YEATS2: variants seen among roughly 807,000 people sequenced by gnomAD.
YEATS2 encodes YEATS domain containing 2, also known as YEATS domain-containing protein 2.
In YEATS2, 77 loss-of-function variants were observed where a neutral mutation model predicts 163.2. That is an observed-to-expected ratio of 0.47 (90% confidence interval 0.39 to 0.57). The LOEUF (loss-of-function observed/expected upper bound fraction) is 0.57, where lower values mean the gene tolerates loss of function less well. Ranked by LOEUF, YEATS2 falls within the 20% of genes least tolerant of loss-of-function variation. YEATS2 has a pLI of 0.00. For missense variants in YEATS2, 1,549 were observed against 1,729.8 expected (o/e 0.90, Z 1.85); for synonymous variants, 631 against 645.1 (o/e 0.98, Z 0.33).
At chr3:183,768,090 T>A (rs1722091121) in intron 15 of YEATS2, among the ~76,000 whole-genome samples, 2 of 152,236 alleles carry the variant, frequency 1.3e-5, no homozygotes, top group South Asian at 4.1e-4. Context: ...AAGAGAAAAG[T>A]TCAACTACTG....
intron 19 of YEATS2, among the ~76,000 whole-genome samples, chr3:183,783,952 A>G (rs1347646730): frequency 6.6e-6 from 1 of 152,196 alleles, no homozygotes; most frequent in Non-Finnish European, 1.5e-5. Context: ...TTTTTGAGAC[A>G]GGATCTCACA....
intron 18 of YEATS2, among the ~76,000 whole-genome samples, chr3:183,776,877 G>A (rs551867148): frequency 4.0e-5 from 6 of 151,822 alleles, no homozygotes; most frequent in South Asian, 2.1e-4. Context: ...ACTTGAACCC[G>A]GGAGGCAGAG....
At chr3:183,745,941 C>T (rs999630157) in intron 8 of YEATS2, among the ~76,000 whole-genome samples, 3 of 152,198 alleles carry the variant, frequency 2.0e-5, no homozygotes, top group Non-Finnish European at 4.4e-5. Context: ...AAGCAATCCT[C>T]CCGCATCATC....
At chr3:183,734,402 A>G (rs1381305275) in intron 7 of YEATS2, among the ~76,000 whole-genome samples, 2 of 152,154 alleles carry the variant, frequency 1.3e-5, no homozygotes, top group Non-Finnish European at 2.9e-5. Context: ...CAGAGGGGCT[A>G]TTTCATAGAG....
chr3:183,776,888 G>A (rs1259005182), intron 18 of YEATS2, among the ~76,000 whole-genome samples: 3 of 151,582 alleles, frequency 2.0e-5, no homozygotes, highest in Admixed American at 1.3e-4. Flanking sequence ...GGAGGCAGAG[G>A]TTGCAGTGAG....
At chr3:183,742,656 A>G (rs1317765146) in intron 8 of YEATS2, among the ~76,000 whole-genome samples, 1 of 152,234 alleles carries the variant, frequency 6.6e-6, no homozygotes, top group African/African-American at 2.4e-5. Flanking sequence ...GTTGAAATTG[A>G]CAACAAAGGA....
intron 20 of YEATS2, among the ~76,000 whole-genome samples, chr3:183,788,011 T>C (rs1190769891): frequency 6.6e-6 from 1 of 152,088 alleles, no homozygotes; most frequent in Non-Finnish European, 1.5e-5. Context: ...TCAAAAAATA[T>C]ATATAAATAA....
At chr3:183,793,670 T>G (rs959409538) in intron 21 of YEATS2, among the ~76,000 whole-genome samples, 26 of 144,010 alleles carry the variant, frequency 1.8e-4, no homozygotes, top group Non-Finnish European at 3.1e-4. Flanking sequence ...TGGAGTGCAG[T>G]GGAACAATCT....
chr3:183,737,637 A>G (rs1718485042), intron 8 of YEATS2, among the ~76,000 whole-genome samples: 1 of 152,230 alleles, frequency 6.6e-6, no homozygotes, highest in African/African-American at 2.4e-5. Flanking sequence ...ACAGAAATGA[A>G]CGTGTTTTGG....
intron 8 of YEATS2, among the ~76,000 whole-genome samples, chr3:183,741,461 A>G (rs1200069390): frequency 6.6e-6 from 1 of 152,190 alleles, no homozygotes. Context: ...ATTGTTGCTC[A>G]TTGATAATTC....
intron 19 of YEATS2, among the ~76,000 whole-genome samples, chr3:183,784,943 C>A (rs1723915652): frequency 6.6e-6 from 1 of 151,876 alleles, no homozygotes; most frequent in Non-Finnish European, 1.5e-5. Flanking sequence ...CATGGTGGCG[C>A]ATACCTGTAA....
At chr3:183,794,316 A>G (rs939483924) in intron 21 of YEATS2, among the ~76,000 whole-genome samples, 3 of 152,238 alleles carry the variant, frequency 2.0e-5, no homozygotes, top group African/African-American at 7.2e-5. Context: ...GAAGGGCATG[A>G]ACTGCTACTT....
chr3:183,810,492 C>T lies in YEATS2; in HGVS notation c.4178C>T (p.Thr1393Ile), dbSNP rs760559150. ...TGGACCAGGATTCCCAAAGAAATTA[C>T]AGTGAGTAATATTCACCAGGCCATT... ...ASHNRIPKEITVSNIHQAICN... is the reference protein window; with the variant it reads ...ASHNRIPKEIIVSNIHQAICN... Residue 1393 changes from threonine (T) to isoleucine (I), a missense_variant, in exon 31 of 31, where the codon ACA (threonine) becomes ATA (isoleucine). Coordinates refer to ENST00000305135, the MANE Select transcript of YEATS2 (RefSeq NM_018023.5). 4.3e-6 allele frequency: 7 copies of T among 1,614,042 alleles called. No individual in the cohort carries two copies. Among genetic ancestry groups the T allele is most frequent in the Non-Finnish European group, 5.9e-6 (7 of 1,179,944 alleles).
In YEATS2 at chr3:183,722,278, CTTTTTT is replaced by C. The variant is rs200048624; in HGVS notation, c.537+165_537+170del. 2.3e-3 allele frequency: 702 copies of C among 309,610 alleles called. 1 individual carries two copies. The highest frequency in any genetic ancestry group is 3.0e-3 in the South Asian group (83 of 27,614). 19.2% of individuals were successfully genotyped at this position (309,610 alleles called of 1,614,324 possible). A position where few individuals can be genotyped will look rare whatever the true frequency, so the allele number is the denominator to read the frequency against. On this transcript the variant is annotated intron_variant, in intron 5 of 30. Transcript: ENST00000305135. The stretch of plus-strand genomic sequence containing the variant: ...TCCTTTTATAATGGGGAAACCAAAT[CTTTTTT>C]TTTTTTTTTTTTTTTTTTTTTTGAG...
chr3:183,747,298 A>G (rs570968515), intron 8 of YEATS2, among the ~76,000 whole-genome samples: 7 of 152,154 alleles, frequency 4.6e-5, no homozygotes, highest in East Asian at 3.9e-4. Context: ...GCTGCATGAT[A>G]TTTCAGAGAT....
At chr3:183,809,830 T>C (rs263025) in intron 30 of YEATS2, among the ~76,000 whole-genome samples, 68,298 of 152,060 alleles carry the variant, frequency 0.45, 15,587 homozygotes, top group Middle Eastern at 0.56. Context: ...ATTTATAAAA[T>C]TGTAGCAAAG....
intron 9 of YEATS2, 93 bp from the exon 10 acceptor site, chr3:183,751,980 T>C: frequency 7.2e-7 from 1 of 1,393,470 alleles, no homozygotes; most frequent in Middle Eastern, 1.8e-4. Context: ...AAGTTATCTC[T>C]CACATCCCGG....
At chr3:183,709,267 C>T (rs1162371533) in intron 1 of YEATS2, among the ~76,000 whole-genome samples, 4 of 152,256 alleles carry the variant, frequency 2.6e-5, no homozygotes, top group African/African-American at 7.2e-5. Context: ...ATGGCATTTA[C>T]TTCTATAAAG....
chr3:183,750,434 G>A (rs932505391), intron 9 of YEATS2, among the ~76,000 whole-genome samples: 2 of 152,108 alleles, frequency 1.3e-5, no homozygotes, highest in East Asian at 3.8e-4. Context: ...CAGTTCTTTT[G>A]GGTATATACC....
Sources: gnomAD v4.1 joint callset for allele counts (sites outside exome capture counted in the v4.1 genomes callset) on GRCh38, gnomAD v4.1.1 for gene constraint, MANE v1.5 for transcripts, NCBI Gene and HGNC (gene_info 2026-07-23, HGNC 2026-07-21) for gene names.